The following CSNK1G3 variants were observed in gnomAD, a reference collection of about 807,000 sequenced individuals.
The protein encoded by CSNK1G3 is casein kinase I isoform gamma-3.
Under a neutral mutation model 64.3 loss-of-function variants are expected in CSNK1G3, and 23 were observed. That is an observed-to-expected ratio of 0.36 (90% CI 0.26 to 0.51). CSNK1G3 has a LOEUF of 0.51. CSNK1G3 is among the 20% of genes least tolerant of loss of function. The pLI, the probability that CSNK1G3 is intolerant of heterozygous loss-of-function variation, is 0.96. For synonymous variants in CSNK1G3, 158 were observed against 162.2 expected, an observed-to-expected ratio of 0.97 and a Z score of 0.20; for missense variants, 357 against 510.5, an observed-to-expected ratio of 0.70 and a Z score of 2.90.
intron 4 of CSNK1G3, among the ~76,000 whole-genome samples, chr5:123,569,286 C>T (rs1336346252): frequency 6.6e-6 from 1 of 152,138 alleles, no homozygotes; most frequent in African/African-American, 2.4e-5. Flanking sequence ...TGTTTTAACC[C>T]ACAACTTTGT....
At chr5:123,515,940 G>A (rs1294059835) in intron 1 of CSNK1G3, among the ~76,000 whole-genome samples, 1 of 152,158 alleles carries the variant, frequency 6.6e-6, no homozygotes, top group Admixed American at 6.5e-5. Flanking sequence ...GTCTTCTAGA[G>A]TTTAAATAAT....
At chr5:123,545,606 C>G (rs1782393420) in exon 2 of CSNK1G3, 1 of 1,430,418 alleles carries the variant, frequency 7.0e-7, no homozygotes, top group East Asian at 2.4e-5. Flanking sequence ...TCACAATACC[C>G]TGTTTCAGTG....
At chr5:123,551,113 A>G (rs1783553755) in intron 2 of CSNK1G3, among the ~76,000 whole-genome samples, 1 of 152,204 alleles carries the variant, frequency 6.6e-6, no homozygotes, top group Non-Finnish European at 1.5e-5. Context: ...GTACTTGTGA[A>G]TAAACATCAT....
intron 10 of CSNK1G3, among the ~76,000 whole-genome samples, chr5:123,601,469 G>GA (rs1427685793): frequency 1.3e-5 from 2 of 152,098 alleles, no homozygotes; most frequent in African/African-American, 4.8e-5. Flanking sequence ...GGAAACCCTG[G>GA]AAAAATTACA....
chr5:123,520,497 G>C (rs1455053211), intron 1 of CSNK1G3, among the ~76,000 whole-genome samples: 1 of 149,774 alleles, frequency 6.7e-6, no homozygotes, highest in African/African-American at 2.5e-5. Context: ...TTTTTTGAGG[G>C]GGGTAGAATC....
intron 10 of CSNK1G3, among the ~76,000 whole-genome samples, chr5:123,600,133 T>A (rs562484479): frequency 5.1e-4 from 78 of 152,342 alleles, no homozygotes; most frequent in African/African-American, 1.8e-3. Flanking sequence ...AGTCACTCTT[T>A]TAACTGTTAA....
intron 8 of CSNK1G3, among the ~76,000 whole-genome samples, chr5:123,589,094 A>G (rs1411893895): frequency 2.6e-5 from 4 of 152,190 alleles, no homozygotes; most frequent in Non-Finnish European, 4.4e-5. Context: ...ACTTGTTAGT[A>G]TATTAAGATA....
At chr5:123,604,510 A>C (rs1185544597) in intron 10 of CSNK1G3, among the ~76,000 whole-genome samples, 1 of 152,112 alleles carries the variant, frequency 6.6e-6, no homozygotes, top group Non-Finnish European at 1.5e-5. Context: ...TGAAAAGCGC[A>C]TATTAGATGA....
chr5:123,593,656 C>T (rs537020060), intron 10 of CSNK1G3, among the ~76,000 whole-genome samples: 5 of 152,130 alleles, frequency 3.3e-5, no homozygotes, highest in African/African-American at 9.6e-5. Flanking sequence ...GATTTGATTT[C>T]AACTTAAGCT....
At chr5:123,596,954 T>C (rs1477659105) in intron 10 of CSNK1G3, among the ~76,000 whole-genome samples, 3 of 152,114 alleles carry the variant, frequency 2.0e-5, no homozygotes, top group African/African-American at 7.2e-5. Context: ...ACTTTCAAAA[T>C]TATTTGAAAA....
At chr5:123,547,051 G>A (rs1011802695) in intron 2 of CSNK1G3, among the ~76,000 whole-genome samples, 8 of 151,988 alleles carry the variant, frequency 5.3e-5, no homozygotes, top group East Asian at 1.9e-4. Flanking sequence ...CATTATTTAC[G>A]TGTTTATAAT....
chr5:123,577,212 A>G (rs1044249906), intron 6 of CSNK1G3, among the ~76,000 whole-genome samples: 1 of 152,104 alleles, frequency 6.6e-6, no homozygotes, highest in East Asian at 1.9e-4. Context: ...GCAGCCCCAT[A>G]ATCAGTCCTT....
At chr5:123,541,566 C>T (rs1781684427) in intron 1 of CSNK1G3, among the ~76,000 whole-genome samples, 1 of 152,052 alleles carries the variant, frequency 6.6e-6, no homozygotes, top group Non-Finnish European at 1.5e-5. Context: ...GTAGCTGGGA[C>T]TACAGGTGTG....
intron 4 of CSNK1G3, among the ~76,000 whole-genome samples, chr5:123,561,665 C>T (rs993904653): frequency 1.7e-4 from 26 of 152,130 alleles, no homozygotes; most frequent in African/African-American, 5.8e-4. Context: ...TCTTTATCTC[C>T]TGCTTCTATT....
intron 1 of CSNK1G3, among the ~76,000 whole-genome samples, chr5:123,513,963 T>G (rs1176577074): frequency 6.6e-6 from 1 of 152,216 alleles, no homozygotes; most frequent in East Asian, 1.9e-4. Flanking sequence ...TTAGGATAAA[T>G]TGTCTTATTC....
intron 6 of CSNK1G3, among the ~76,000 whole-genome samples, chr5:123,582,471 A>G (rs1309682016): frequency 6.6e-6 from 1 of 152,224 alleles, no homozygotes; most frequent in Non-Finnish European, 1.5e-5. Flanking sequence ...AAACATGGAC[A>G]CAGACTCTTA....
intron 1 of CSNK1G3, among the ~76,000 whole-genome samples, chr5:123,512,884 C>T (rs1776480076): frequency 6.6e-6 from 1 of 151,434 alleles, no homozygotes; most frequent in South Asian, 2.1e-4. Context: ...GCGACTGGGG[C>T]GGCGAGGGAG....
At chr5:123,573,159 A>G (rs752032671) in intron 4 of CSNK1G3, among the ~76,000 whole-genome samples, 2 of 152,238 alleles carry the variant, frequency 1.3e-5, no homozygotes, top group Non-Finnish European at 2.9e-5. Context: ...AGTACTGTTT[A>G]TAATGTAATT....
intron 8 of CSNK1G3, among the ~76,000 whole-genome samples, chr5:123,588,924 A>G (rs184408554): frequency 3.9e-5 from 6 of 152,326 alleles, no homozygotes; most frequent in East Asian, 1.9e-4. Context: ...AAGTAAGGCC[A>G]GTAAAACCTT....
Sources: allele counts gnomAD v4.1 joint callset (sites outside exome capture counted in the v4.1 genomes callset), GRCh38; gene constraint gnomAD v4.1.1; transcripts MANE v1.5; gene names NCBI Gene and HGNC (gene_info 2026-07-23, HGNC 2026-07-21).